The following PLCE1 variants were observed in gnomAD, a reference collection of about 807,000 sequenced individuals.
PLCE1 encodes 1-phosphatidylinositol 4,5-bisphosphate phosphodiesterase epsilon-1.
A neutral mutation model predicts 242.8 loss-of-function variants in PLCE1; 119 were observed. The ratio of observed to expected loss-of-function variants is 0.49; its 90% CI spans 0.42 to 0.57. The LOEUF (loss-of-function observed/expected upper bound fraction) is 0.57. Ranked by LOEUF, PLCE1 falls within the 20% of genes least tolerant of loss-of-function variation. PLCE1 has a pLI of 0.00. For missense variants in PLCE1, 2,441 were observed against 2,788.8 expected (o/e 0.88, Z 2.81); for synonymous variants, 945 against 1,017.4 (o/e 0.93, Z 1.35).
chr10:93,999,122 C>A (rs964910742), intron 1 of PLCE1, among the ~76,000 whole-genome samples: 2 of 152,096 alleles, frequency 1.3e-5, no homozygotes, highest in Non-Finnish European at 2.9e-5. Flanking sequence ...CTGTAGGAAA[C>A]TAATACAGCA....
At chr10:94,059,954 A>T (rs1250201244) in intron 2 of PLCE1, among the ~76,000 whole-genome samples, 1 of 152,120 alleles carries the variant, frequency 6.6e-6, no homozygotes, top group African/African-American at 2.4e-5. Context: ...CCTGGGTTTG[A>T]TTAAATTTGT....
chr10:94,264,529 T>C (rs1032744622), intron 14 of PLCE1, among the ~76,000 whole-genome samples: 2 of 142,376 alleles, frequency 1.4e-5, no homozygotes, highest in African/African-American at 5.3e-5. Context: ...TTTTTTTTTT[T>C]TTTTTTTTTT....
chr10:94,171,866 T>G (rs1465326737), intron 4 of PLCE1, among the ~76,000 whole-genome samples: 1 of 152,160 alleles, frequency 6.6e-6, no homozygotes, highest in Non-Finnish European at 1.5e-5. Flanking sequence ...TTTGACAGCA[T>G]GATCCCTGAC....
At chr10:94,094,108 A>AT (rs2045204310) in intron 2 of PLCE1, among the ~76,000 whole-genome samples, 1 of 148,552 alleles carries the variant, frequency 6.7e-6, no homozygotes, top group African/African-American at 2.5e-5. Context: ...CGCCCGGCTA[A>AT]TTTTTTGTAT....
chr10:94,044,132 AC>A (rs2061831941), intron 2 of PLCE1, among the ~76,000 whole-genome samples: 1 of 152,178 alleles, frequency 6.6e-6, no homozygotes, highest in South Asian at 2.1e-4. Flanking sequence ...GAATCCAGTG[AC>A]TGTTTTTCTC....
chr10:94,303,293 G>T (rs549439323), intron 24 of PLCE1, among the ~76,000 whole-genome samples: 1 of 152,222 alleles, frequency 6.6e-6, no homozygotes, highest in East Asian at 1.9e-4. Flanking sequence ...TATTCATCAG[G>T]TGTGTCTCAT....
At chr10:94,325,396 G>C (rs2053972595) in intron 32 of PLCE1, 1 of 315,440 alleles carries the variant, frequency 3.2e-6, no homozygotes, top group Admixed American at 4.6e-5. Flanking sequence ...GTCAGTTCAA[G>C]ACCAGCCTGA....
At chr10:94,045,965 TA>T (rs59988453) in intron 2 of PLCE1, among the ~76,000 whole-genome samples, 50,707 of 149,046 alleles carry the variant, frequency 0.34, 10,255 homozygotes, top group South Asian at 0.45. Context: ...CCAGGCGTGG[TA>T]AAAAAAAAAA....
At position 94,332,506 on chromosome 10, in the gene PLCE1, T is replaced by C. The variant is rs1362824291; in HGVS notation, c.*4563T>C. 0.012 allele frequency: 4 copies of C among 340 alleles called. No homozygotes were observed. Among genetic ancestry groups the C allele is most frequent in the African/African-American group, 0.044 (4 of 90 alleles). The allele number at this position is 340 out of a possible 1,614,324, so 0.0% of individuals were successfully genotyped here. A position where few individuals can be genotyped will look rare whatever the true frequency, so the allele number is the denominator to read the frequency against. On this transcript the variant is annotated 3_prime_UTR_variant, in exon 33 of 33. Transcript: ENST00000371380. The stretch of plus-strand genomic sequence containing the variant: ...TATAGCCTCAGGATATGTGTGTGCC[T>C]GTGTGTGTGTGTGTGTGTGTGTGTG...
At chr10:94,289,609 T>G (rs2052578358) in intron 22 of PLCE1, among the ~76,000 whole-genome samples, 1 of 152,202 alleles carries the variant, frequency 6.6e-6, no homozygotes, top group Admixed American at 6.5e-5. Flanking sequence ...CTGAATACGG[T>G]AGGTAAGTGT....
chr10:94,070,138 T>C (rs1589955796), intron 2 of PLCE1, among the ~76,000 whole-genome samples: 2 of 152,330 alleles, frequency 1.3e-5, no homozygotes, highest in East Asian at 3.9e-4. Flanking sequence ...GCTGTCACTA[T>C]GAGGTACTGT....
At chr10:94,229,456 G>A (rs574875201) in intron 5 of PLCE1, among the ~76,000 whole-genome samples, 11 of 152,154 alleles carry the variant, frequency 7.2e-5, no homozygotes, top group Non-Finnish European at 1.0e-4. Flanking sequence ...TGATAGCCTT[G>A]GGAATCATAC....
chr10:94,061,369 A>T (rs532169607), intron 2 of PLCE1, among the ~76,000 whole-genome samples: 103 of 152,350 alleles, frequency 6.8e-4, no homozygotes, highest in Middle Eastern at 3.4e-3. Context: ...TAGCAAACCC[A>T]TACTATGAAT....
At chr10:94,123,010 C>T (rs2135792717) in intron 2 of PLCE1, among the ~76,000 whole-genome samples, 1 of 152,276 alleles carries the variant, frequency 6.6e-6, no homozygotes, top group African/African-American at 2.4e-5. Flanking sequence ...CTAAGCAGTG[C>T]CCTGTGCTGG....
chr10:94,183,345 G>T (rs1590200401), intron 4 of PLCE1, among the ~76,000 whole-genome samples: 1 of 152,158 alleles, frequency 6.6e-6, no homozygotes, highest in East Asian at 1.9e-4. Context: ...TTTTGTGCAT[G>T]GGGAATATGG....
chr10:93,998,304 C>T (rs1390329790), intron 1 of PLCE1, among the ~76,000 whole-genome samples: 2 of 152,066 alleles, frequency 1.3e-5, no homozygotes, highest in Non-Finnish European at 2.9e-5. Flanking sequence ...GGACATTTGA[C>T]CTTTTGTGTG....
At chr10:94,199,621 T>C (rs1254194475) in intron 4 of PLCE1, among the ~76,000 whole-genome samples, 1 of 152,236 alleles carries the variant, frequency 6.6e-6, no homozygotes, top group African/African-American at 2.4e-5. Flanking sequence ...ATAACAAGTC[T>C]TAGACGGCAA....
chr10:94,298,529 C>T lies in PLCE1; in HGVS notation c.5318C>T (p.Ser1773Phe). Reference protein sequence around the residue: ...NAAKRLCRRYSQKLTQHTACQ... With the variant: ...NAAKRLCRRYFQKLTQHTACQ... ...GCCAAACGTCTGTGTCGCAGGTATTCTCAGAAACTGACCCAGCACACCGCC... is the reference window on the plus strand; with the variant it reads ...GCCAAACGTCTGTGTCGCAGGTATTTTCAGAAACTGACCCAGCACACCGCC... Residue 1773 changes from serine to phenylalanine, a missense_variant, in exon 24 of 33, where the codon TCT becomes TTT. This residue lies in a region of PLCE1 where 1,004 missense variants were observed against 1,322.7 expected (regional missense o/e 0.76). Coordinates refer to ENST00000371380, the MANE Select transcript of PLCE1 (RefSeq NM_016341.4). This position sits in a 1 kb window ranked among gnomAD's most constrained non-coding sequence, Gnocchi z 5.2. 2 of 1,614,112 alleles carry T rather than the reference C, an allele frequency of 1.2e-6. No homozygotes were observed. Among genetic ancestry groups the T allele is most frequent in the South Asian group, 1.1e-5 (1 of 91,078 alleles).
At chr10:94,047,483 C>T (rs7080228) in intron 2 of PLCE1, among the ~76,000 whole-genome samples, 51,312 of 151,926 alleles carry the variant, frequency 0.34, 9,661 homozygotes, top group African/African-American at 0.52. Flanking sequence ...CTTTTCCTCC[C>T]GCCTTTTATG....
Sources: gnomAD v4.1 joint callset for allele counts (sites outside exome capture counted in the v4.1 genomes callset) on GRCh38, gnomAD v4.1.1 for gene constraint, gnomAD v4.1.1 regional missense constraint, Gnocchi (gnomAD v3.1) non-coding constraint, MANE v1.5 for transcripts, NCBI Gene and HGNC (gene_info 2026-07-23, HGNC 2026-07-21) for gene names.